The following PRDM1 variants were observed in gnomAD, a reference collection of about 807,000 sequenced individuals.
PRDM1 encodes the protein PR/SET domain 1, also known as PR domain zinc finger protein 1.
A neutral mutation model predicts 62.8 loss-of-function variants in PRDM1; 13 were observed. The observed-to-expected ratio is 0.21, with a 90% CI of 0.13 to 0.33. The LOEUF (loss-of-function observed/expected upper bound fraction) is 0.33, where lower values mean the gene tolerates loss of function less well. Ranked by LOEUF, PRDM1 falls within the 10% of genes least tolerant of loss-of-function variation. The probability of loss-of-function intolerance (pLI) is 1.00; values close to 1 mark genes in which losing one functional copy is unlikely to be tolerated. For missense variants in PRDM1, 895 were observed against 1,058.8 expected, an observed-to-expected ratio of 0.85 and a Z score of 2.15; for synonymous variants, 396 against 417.6, an observed-to-expected ratio of 0.95 and a Z score of 0.63.
At chr6:106,077,155 T>G (rs1300221247) in intron 1 of PRDM1, among the ~76,000 whole-genome samples, 1 of 152,120 alleles carries the variant, frequency 6.6e-6, no homozygotes, top group Non-Finnish European at 1.5e-5. Context: ...TGAGCAGCAG[T>G]CTTATTTTCT....
intron 1 of PRDM1, among the ~76,000 whole-genome samples, chr6:106,018,527 G>T (rs1468168651): frequency 6.6e-6 from 1 of 152,076 alleles, no homozygotes; most frequent in Non-Finnish European, 1.5e-5. Flanking sequence ...ATGTTTAATG[G>T]TCATGTTTTC....
At chr6:106,017,276 C>T (rs535188474) in intron 1 of PRDM1, among the ~76,000 whole-genome samples, 4 of 152,248 alleles carry the variant, frequency 2.6e-5, no homozygotes, top group Admixed American at 2.6e-4. Flanking sequence ...GCTCTGTCAG[C>T]TTTGAAGAAG....
intron 1 of PRDM1, among the ~76,000 whole-genome samples, chr6:106,036,277 TA>T (rs766721778): frequency 9.2e-5 from 14 of 152,098 alleles, no homozygotes; most frequent in Non-Finnish European, 2.9e-5. Flanking sequence ...GCCTCCCAAG[TA>T]GCTGGGATTA....
intron 1 of PRDM1, among the ~76,000 whole-genome samples, chr6:106,024,816 C>A (rs777019130): frequency 9.9e-5 from 15 of 152,060 alleles, no homozygotes; most frequent in Non-Finnish European, 1.9e-4. Flanking sequence ...ATACTGAAAT[C>A]CCTCTTTTTC....
In PRDM1 at chr6:106,108,587, G is replaced by A. The variant is rs551020417; in HGVS notation, c.*1101G>A. On this transcript the variant is annotated 3_prime_UTR_variant, in exon 7 of 7. Coordinates refer to ENST00000369096, the MANE Select transcript of PRDM1 (RefSeq NM_001198.4). ...CATGGTGCTCTACCAGGAAGGATTC[G>A]AGGTAGATAGGCTCAGGCCACACTT... 12 of 222,186 alleles carry A rather than the reference G, an allele frequency of 5.4e-5. 1 individual carries two copies. Among genetic ancestry groups the A allele is most frequent in the East Asian group, 4.9e-4 (8 of 16,170 alleles). The allele number at this position is 222,186 out of a possible 1,614,324, so 13.8% of individuals were successfully genotyped here.
chr6:106,090,538 CT>C (rs1434090649), intron 2 of PRDM1, among the ~76,000 whole-genome samples: 1 of 152,144 alleles, frequency 6.6e-6, no homozygotes, highest in African/African-American at 2.4e-5. Context: ...TGTTTTTGAA[CT>C]TTGGGAAAGG....
At chr6:106,101,101 C>T (rs111850051) in intron 4 of PRDM1, among the ~76,000 whole-genome samples, 1,705 of 152,244 alleles carry the variant, frequency 0.011, 36 homozygotes, top group African/African-American at 0.04. Flanking sequence ...CGTATTCCAG[C>T]TGTGCGTCTC....
intron 1 of PRDM1, among the ~76,000 whole-genome samples, chr6:106,072,552 TTA>T (rs1300768901): frequency 6.6e-6 from 1 of 152,230 alleles, no homozygotes; most frequent in Non-Finnish European, 1.5e-5. Context: ...CTTCCCACAG[TTA>T]GTCCCACAGT....
At chr6:105,995,530 G>A (rs1772338381) in intron 1 of PRDM1, among the ~76,000 whole-genome samples, 1 of 152,056 alleles carries the variant, frequency 6.6e-6, no homozygotes, top group Non-Finnish European at 1.5e-5. Flanking sequence ...AATTGGTTAA[G>A]TAAAACCTTC....
intron 1 of PRDM1, among the ~76,000 whole-genome samples, chr6:106,003,656 T>C (rs1427497656): frequency 1.3e-5 from 2 of 152,230 alleles, no homozygotes; most frequent in African/African-American, 4.8e-5. Flanking sequence ...ATTGGTTAGC[T>C]GTTTCTTTTG....
At chr6:106,044,988 G>A (rs948512859), upstream of PRDM1, among the ~76,000 whole-genome samples, 1 of 152,194 alleles carries the variant, frequency 6.6e-6, no homozygotes, top group African/African-American at 2.4e-5. Flanking sequence ...TTGAGCCCAG[G>A]AGTTCAAGGC....
Position 106,015,882 on chromosome 6 carries a change from A to G in PRDM1, c.-67+22243A>G, listed in dbSNP as rs9486263. ...TTAACCATCTTCAAGTATGCTATTCAGTAGCATTAAGTTTATTCCCAACAT... is the reference window on the plus strand; with the variant it reads ...TTAACCATCTTCAAGTATGCTATTCGGTAGCATTAAGTTTATTCCCAACAT... On this transcript the variant is annotated intron_variant, in intron 1 of 6. Coordinates refer to the PRDM1 transcript ENST00000652320. 7.4e-3 allele frequency among the ~76,000 whole-genome samples: 1,133 copies of G among 152,198 alleles called. 11 individuals are homozygous for G. The highest frequency in any genetic ancestry group is 0.026 in the African/African-American group (1,077 of 41,538).
At chr6:106,044,186 T>C (rs1412775971), upstream of PRDM1, among the ~76,000 whole-genome samples, 1 of 151,262 alleles carries the variant, frequency 6.6e-6, no homozygotes, top group Non-Finnish European at 1.5e-5. Context: ...TCTTTCCTTT[T>C]TTTCTTTCTT....
intron 1 of PRDM1, among the ~76,000 whole-genome samples, chr6:106,024,678 A>G (rs1419567411): frequency 2.0e-5 from 3 of 152,210 alleles, no homozygotes; most frequent in Non-Finnish European, 4.4e-5. Context: ...AATCTTTTTC[A>G]GGCCAGGAGA....
chr6:106,051,892 G>A (rs979957301), intron 1 of PRDM1, among the ~76,000 whole-genome samples: 6 of 152,018 alleles, frequency 3.9e-5, no homozygotes, highest in African/African-American at 1.5e-4. Flanking sequence ...GAATTTACAC[G>A]AAAAAATTAA....
intron 2 of PRDM1, among the ~76,000 whole-genome samples, chr6:106,089,404 C>T (rs1387401542): frequency 6.6e-6 from 1 of 152,130 alleles, no homozygotes. Flanking sequence ...GAATTTGCTA[C>T]TGGGACTATT....
upstream of PRDM1, among the ~76,000 whole-genome samples, chr6:105,992,793 C>T (rs1464999895): frequency 6.6e-6 from 1 of 152,266 alleles, no homozygotes; most frequent in Admixed American, 6.5e-5. Context: ...CTGGACGTCC[C>T]TTAGCCTGGG....
rs867393719 is a variant in PRDM1 at position 106,105,615 on chromosome 6, G to A, written c.1455G>A (p.Arg485=). 1 of 1,613,454 alleles carries A rather than the reference G, an allele frequency of 6.2e-7. No individual in the cohort carries two copies. The highest frequency in any genetic ancestry group is 2.2e-5 in the East Asian group (1 of 44,844). Residue 485 remains arginine (R), a synonymous_variant, in exon 5 of 7, where the codon AGG becomes AGA. Coordinates refer to ENST00000369096, the MANE Select transcript of PRDM1 (RefSeq NM_001198.4). The part of the protein sequence containing the change: ...ARRLLQPEHP[R]EVLVPAPHSA... ...GGTTGCTCCAGCCGGAGCATCCCAG[G>A]GAGGTGCTTGTCCCGGCGCCCCACA...
chr6:105,993,573 T>G (rs1772309173), exon 1 of PRDM1, among the ~76,000 whole-genome samples: 3 of 152,258 alleles, frequency 2.0e-5, no homozygotes, highest in Admixed American at 2.0e-4. Flanking sequence ...CTTCGAAGTC[T>G]TCAGGAGCGG....
Sources: allele counts gnomAD v4.1 joint callset (sites outside exome capture counted in the v4.1 genomes callset), GRCh38; gene constraint gnomAD v4.1.1; transcripts MANE v1.5; gene names NCBI Gene and HGNC (gene_info 2026-07-23, HGNC 2026-07-21).